The following SLC1A3 variants were observed in gnomAD, a reference collection of about 807,000 sequenced individuals.
SLC1A3 encodes the protein solute carrier family 1 member 3.
A neutral mutation model predicts 48.1 loss-of-function variants in SLC1A3; 21 were observed. The ratio of observed to expected loss-of-function variants is 0.44; its 90% CI spans 0.31 to 0.63. SLC1A3 has a LOEUF of 0.63. Ranked by LOEUF, SLC1A3 falls within the 20% of genes least tolerant of loss-of-function variation. The probability of loss-of-function intolerance (pLI) is 0.08; values close to 1 mark genes in which losing one functional copy is unlikely to be tolerated. For synonymous variants in SLC1A3, 239 were observed against 251.4 expected (o/e 0.95, Z 0.47); for missense variants, 546 against 689.0 (o/e 0.79, Z 2.32).
chr5:36,622,626 A>G (rs1393615342), intron 2 of SLC1A3, among the ~76,000 whole-genome samples: 1 of 152,208 alleles, frequency 6.6e-6, no homozygotes, highest in Non-Finnish European at 1.5e-5. Context: ...TTGGCCTTAA[A>G]GAGTAAACCT....
rs144816971 is a variant in SLC1A3, at chr5:36,633,267, C to G, written c.319+3680C>G. On this transcript the variant is annotated intron_variant, in intron 3 of 9. Transcript: ENST00000265113. ...TTCTCATTCTAAGTGTGCATTCCCC[C>G]TCAATCACTTACCTCAGAAGAAATC... 5.5e-3 allele frequency among the ~76,000 whole-genome samples: 841 copies of G among 152,268 alleles called. 15 individuals carry two copies. Among genetic ancestry groups the G allele is most frequent in the Non-Finnish European group, 5.2e-3 (356 of 68,028 alleles).
At chr5:36,657,904 G>C (rs928342001) in intron 3 of SLC1A3, among the ~76,000 whole-genome samples, 4 of 152,204 alleles carry the variant, frequency 2.6e-5, no homozygotes, top group Admixed American at 1.3e-4. Context: ...ACTGCATTGG[G>C]AATAATTTGT....
At chr5:36,610,042 G>C (rs1297927278) in intron 2 of SLC1A3, among the ~76,000 whole-genome samples, 2 of 152,160 alleles carry the variant, frequency 1.3e-5, no homozygotes, top group African/African-American at 4.8e-5. Flanking sequence ...CGAGTGAGAA[G>C]GTATGATTAC....
rs112249830 is a variant in SLC1A3, at chr5:36,615,595, C to T, written c.181+6991C>T. Among the ~76,000 whole-genome samples, 194 of 152,276 alleles carry T rather than the reference C, an allele frequency of 1.3e-3. 2 individuals are homozygous for T. The highest frequency in any genetic ancestry group is 4.3e-3 in the African/African-American group (180 of 41,556). On this transcript the variant is annotated intron_variant, in intron 2 of 9. Transcript: ENST00000265113. ...CAGTGAGGACACACTTTGCAGAAGC[C>T]CCTTCTGCCCTTCAGTCTCTGCCCA...
chr5:36,681,472 A>T (rs1384707849), intron 8 of SLC1A3, among the ~76,000 whole-genome samples: 3 of 152,238 alleles, frequency 2.0e-5, no homozygotes, highest in African/African-American at 7.2e-5. Context: ...ATTTTTAGAC[A>T]GTGTAAGATA....
At position 36,600,309 on chromosome 5, in the gene SLC1A3, T is replaced by TA. The variant is rs541988158; in HGVS notation, c.-96+3639dup. On this transcript the variant is annotated intron_variant, in intron 1 of 9. Coordinates refer to the SLC1A3 transcript ENST00000680318. ...ATGAGATTTGATTGGAACAAAGGGT[T>TA]AAAAAAAATTGAAACCCAGACCTCA... Among the ~76,000 whole-genome samples the TA allele has an allele frequency of 4.3e-3, 646 of 151,922 alleles. 4 individuals are homozygous for TA. Among genetic ancestry groups the TA allele is most frequent in the Non-Finnish European group, 6.0e-3 (410 of 67,950 alleles).
At chr5:36,633,986 T>G (rs1740235019) in intron 3 of SLC1A3, among the ~76,000 whole-genome samples, 2 of 152,164 alleles carry the variant, frequency 1.3e-5, no homozygotes, top group South Asian at 4.1e-4. Context: ...CTTGTAGTAT[T>G]TTTAAATGGC....
chr5:36,601,021 A>T (rs777755964), intron 1 of SLC1A3, among the ~76,000 whole-genome samples: 2 of 152,238 alleles, frequency 1.3e-5, no homozygotes, highest in Non-Finnish European at 2.9e-5. Flanking sequence ...TTTCTGACTT[A>T]CAATAAACAA....
chr5:36,608,488 T>C lies in SLC1A3; in HGVS notation c.65T>C (p.Val22Ala). 1 of 1,613,500 alleles carries C rather than the reference T, an allele frequency of 6.2e-7. No homozygotes were observed. The highest frequency in any genetic ancestry group is 8.5e-7 in the Non-Finnish European group (1 of 1,179,778). Residue 22 changes from valine (V) to alanine (A), a missense_variant, in exon 2 of 10, where the codon GTC becomes GCC. Val to Ala is a moderately conservative substitution (Grantham distance 64). Transcript: ENST00000265113. Reference protein sequence around the residue: ...GGRMERFQQGVRKRTLLAKKK... With the variant: ...GGRMERFQQGARKRTLLAKKK... The stretch of plus-strand genomic sequence containing the variant: ...AGGATGGAGAGATTCCAGCAGGGAG[T>C]CCGTAAACGCACACTTTTGGCCAAG...
intron 3 of SLC1A3, among the ~76,000 whole-genome samples, chr5:36,662,161 T>A (rs1341456928): frequency 6.6e-6 from 1 of 152,160 alleles, no homozygotes; most frequent in Non-Finnish European, 1.5e-5. Context: ...GCTCTTTCTG[T>A]GCGTAAATTC....
At chr5:36,638,414 C>T (rs562028194) in intron 3 of SLC1A3, among the ~76,000 whole-genome samples, 1 of 152,172 alleles carries the variant, frequency 6.6e-6, no homozygotes, top group African/African-American at 2.4e-5. Flanking sequence ...TAGTATGCTT[C>T]CCTCTTCCCT....
At chr5:36,612,483 G>C (rs190430124) in intron 2 of SLC1A3, among the ~76,000 whole-genome samples, 145 of 152,042 alleles carry the variant, frequency 9.5e-4, no homozygotes, top group Non-Finnish European at 1.9e-3. Context: ...TACTTGGGGG[G>C]GCTGAAGTGG....
intron 3 of SLC1A3, chr5:36,667,881 T>C (rs562681903): frequency 6.6e-6 from 1 of 152,342 alleles, no homozygotes; most frequent in South Asian, 2.1e-4. Context: ...TGGGCTAGTT[T>C]AGCTAAGCCC....
intron 9 of SLC1A3, among the ~76,000 whole-genome samples, chr5:36,684,872 G>T (rs1458065865): frequency 6.6e-6 from 1 of 152,070 alleles, no homozygotes; most frequent in Non-Finnish European, 1.5e-5. Context: ...GTAAAATGAG[G>T]GTGCCCGTGT....
At chr5:36,674,577 C>G (rs1677891293) in intron 5 of SLC1A3, among the ~76,000 whole-genome samples, 2 of 151,882 alleles carry the variant, frequency 1.3e-5, no homozygotes, top group Non-Finnish European at 2.9e-5. Flanking sequence ...ATGGCATCAT[C>G]ATTCATGGAA....
At chr5:36,652,076 C>T (rs1311552106) in intron 3 of SLC1A3, among the ~76,000 whole-genome samples, 1 of 152,140 alleles carries the variant, frequency 6.6e-6, no homozygotes, top group Non-Finnish European at 1.5e-5. Flanking sequence ...AGAGCTTTGC[C>T]ATGCTTTTCC....
chr5:36,655,954 G>A lies in SLC1A3; in HGVS notation c.320-15075G>A, dbSNP rs1167357335. Among the ~76,000 whole-genome samples the A allele has an allele frequency of 3.3e-5, 5 of 152,280 alleles. No individual in the cohort carries two copies. The East Asian group carries it at 9.7e-4, about 29-fold the overall frequency. On this transcript the variant is annotated intron_variant, in intron 3 of 9. Coordinates refer to ENST00000265113, the MANE Select transcript of SLC1A3 (RefSeq NM_004172.5). ...GGTTTACTTAGCCTGGAACAGAGCT[G>A]GACGCATGATTGCTCCTCAGTAATC...
chr5:36,626,166 A>C (rs1739895612), intron 2 of SLC1A3, among the ~76,000 whole-genome samples: 1 of 152,172 alleles, frequency 6.6e-6, no homozygotes, highest in Non-Finnish European at 1.5e-5. Context: ...GGAGAGGAAG[A>C]GGCTGTATAC....
chr5:36,674,238 A>G (rs540430171), intron 5 of SLC1A3, 147 bp downstream of exon 5: 1 of 712,270 alleles, frequency 1.4e-6, no homozygotes, highest in African/African-American at 1.8e-5. Flanking sequence ...TTTTCTAGGA[A>G]TTTTGGGGGG....
Sources: gnomAD v4.1 joint callset for allele counts (sites outside exome capture counted in the v4.1 genomes callset) on GRCh38, gnomAD v4.1.1 for gene constraint, MANE v1.5 for transcripts, NCBI Gene and HGNC (gene_info 2026-07-23, HGNC 2026-07-21) for gene names.